Variants in SAMD12 observed in about 807,000 individuals in gnomAD.
The protein encoded by SAMD12 is sterile alpha motif domain-containing protein 12.
A neutral mutation model predicts 15.0 loss-of-function variants in SAMD12; 9 were observed. The observed-to-expected ratio is 0.60, with a 90% CI of 0.36 to 1.05. The LOEUF (loss-of-function observed/expected upper bound fraction) is 1.05. Among genes scored for constraint, SAMD12 ranks in the 50% least tolerant of loss-of-function variants. The pLI is 0.01. For missense variants in SAMD12, 230 were observed against 234.2 expected, an observed-to-expected ratio of 0.98 and a Z score of 0.12; for synonymous variants, 86 against 90.1, an observed-to-expected ratio of 0.96 and a Z score of 0.25.
At chr8:118,519,622 T>C (rs1290373902) in intron 2 of SAMD12, among the ~76,000 whole-genome samples, 2 of 152,298 alleles carry the variant, frequency 1.3e-5, no homozygotes, top group Non-Finnish European at 2.9e-5. Flanking sequence ...CATACAATAT[T>C]GGATGATCGT....
At chr8:118,506,480 A>G (rs1352357788) in intron 2 of SAMD12, among the ~76,000 whole-genome samples, 1 of 152,050 alleles carries the variant, frequency 6.6e-6, no homozygotes, top group Non-Finnish European at 1.5e-5. Context: ...CCAATTTTCC[A>G]CGGGGAGAAG....
At chr8:118,291,371 T>C (rs1442350976) in intron 4 of SAMD12, 1 of 152,128 alleles carries the variant, frequency 6.6e-6, no homozygotes, top group African/African-American at 2.4e-5. Flanking sequence ...CCAGGCTGCC[T>C]GGGTGCTCCC....
chr8:118,572,684 C>T (rs1467931976), intron 2 of SAMD12, among the ~76,000 whole-genome samples: 1 of 152,134 alleles, frequency 6.6e-6, no homozygotes, highest in East Asian at 1.9e-4. Context: ...TTGCCTTCCA[C>T]CATGATTGGA....
the SAMD12 span, among the ~76,000 whole-genome samples, chr8:118,178,947 C>T: frequency 6.6e-6 from 1 of 152,274 alleles, no homozygotes; most frequent in Admixed American, 6.5e-5. Flanking sequence ...CTGAAAGTAG[C>T]CTTGGATGCT....
chr8:118,580,992 G>C, intron 1 of SAMD12, 99 bp from the exon 2 acceptor site: 1 of 850,898 alleles, frequency 1.2e-6, no homozygotes, highest in Non-Finnish European at 1.8e-6. Context: ...AAAAAACGAG[G>C]CATCTATGAG....
chr8:118,229,394 T>C (rs138901988), intron 4 of SAMD12, among the ~76,000 whole-genome samples: 1 of 152,102 alleles, frequency 6.6e-6, no homozygotes, highest in East Asian at 1.9e-4. Flanking sequence ...CTTAGGAAAA[T>C]TGTATCTCCT....
At chr8:118,322,472 T>C (rs1303433663) in intron 4 of SAMD12, among the ~76,000 whole-genome samples, 1 of 152,218 alleles carries the variant, frequency 6.6e-6, no homozygotes, top group East Asian at 1.9e-4. Flanking sequence ...TAGGTATGGG[T>C]TTCATTAGTC....
chr8:118,620,595 T>C (rs555790151), intron 1 of SAMD12, among the ~76,000 whole-genome samples: 1 of 152,242 alleles, frequency 6.6e-6, no homozygotes, highest in South Asian at 2.1e-4. Flanking sequence ...CCCGAGTTTA[T>C]GGGTGCTGAG....
At chr8:118,198,626 C>G (rs1022302389) in intron 4 of SAMD12, among the ~76,000 whole-genome samples, 1 of 152,042 alleles carries the variant, frequency 6.6e-6, no homozygotes, top group Non-Finnish European at 1.5e-5. Flanking sequence ...ACTGGCTTTT[C>G]AAAACATGAC....
At chr8:118,417,232 C>A (rs957223012) in intron 3 of SAMD12, among the ~76,000 whole-genome samples, 1 of 151,934 alleles carries the variant, frequency 6.6e-6, no homozygotes, top group South Asian at 2.1e-4. Flanking sequence ...AGGTGTGCCC[C>A]CCTATGCCAA....
intron 2 of SAMD12, among the ~76,000 whole-genome samples, chr8:118,565,342 G>T (rs867626388): frequency 3.9e-5 from 6 of 152,260 alleles, no homozygotes; most frequent in Middle Eastern, 6.8e-3. Flanking sequence ...GCTATTTCTA[G>T]CCAAGTCCTT....
intron 4 of SAMD12, among the ~76,000 whole-genome samples, chr8:118,329,987 G>C (rs186775592): frequency 6.6e-6 from 1 of 152,102 alleles, no homozygotes; most frequent in Non-Finnish European, 1.5e-5. Context: ...TTTGTAGGAG[G>C]AAGAAGAACT....
At chr8:118,473,584 C>T (rs988949304) in intron 2 of SAMD12, among the ~76,000 whole-genome samples, 2 of 152,148 alleles carry the variant, frequency 1.3e-5, no homozygotes, top group Admixed American at 6.5e-5. Flanking sequence ...CCAAACTGTC[C>T]ACCAAGGCAT....
intron 4 of SAMD12, chr8:118,284,326 C>A (rs1453012395): frequency 2.2e-6 from 1 of 456,244 alleles, no homozygotes; most frequent in South Asian, 1.5e-5. Context: ...TCATAACTTC[C>A]CTTCTAACAA....
intron 4 of SAMD12, among the ~76,000 whole-genome samples, chr8:118,251,757 C>T (rs1052799639): frequency 2.0e-5 from 3 of 152,058 alleles, no homozygotes; most frequent in Non-Finnish European, 4.4e-5. Context: ...TAATTCACAG[C>T]TGAAAGGGGG....
At chr8:118,425,612 G>A (rs1213750408) in intron 3 of SAMD12, among the ~76,000 whole-genome samples, 1 of 152,216 alleles carries the variant, frequency 6.6e-6, no homozygotes, top group East Asian at 1.9e-4. Flanking sequence ...TTCTCCGATA[G>A]AGTATAAAGC....
At chr8:118,553,069 A>G (rs1488937962) in intron 2 of SAMD12, among the ~76,000 whole-genome samples, 30 of 152,116 alleles carry the variant, frequency 2.0e-4, no homozygotes, top group East Asian at 3.9e-4. Flanking sequence ...ATGCTCATGG[A>G]TAGGAAGAAT....
intron 3 of SAMD12, among the ~76,000 whole-genome samples, chr8:118,395,204 C>A (rs1297690389): frequency 6.6e-6 from 1 of 152,144 alleles, no homozygotes; most frequent in Non-Finnish European, 1.5e-5. Context: ...ACCCTTTATA[C>A]CCTCAGGTGA....
At chr8:118,545,550 C>T (rs917662321) in intron 2 of SAMD12, among the ~76,000 whole-genome samples, 2 of 152,198 alleles carry the variant, frequency 1.3e-5, no homozygotes, top group African/African-American at 4.8e-5. Flanking sequence ...ATCATTAGGA[C>T]TCCTGAATTA....
Sources: allele counts gnomAD v4.1 joint callset (sites outside exome capture counted in the v4.1 genomes callset), GRCh38; gene constraint gnomAD v4.1.1; transcripts MANE v1.5; gene names NCBI Gene and HGNC (gene_info 2026-07-23, HGNC 2026-07-21).